Variants in RPS6KL1 observed in about 807,000 individuals in gnomAD.
RPS6KL1 encodes the protein ribosomal protein S6 kinase-like 1.
A neutral mutation model predicts 57.0 loss-of-function variants in RPS6KL1; 41 were observed. The observed-to-expected ratio is 0.72, with a 90% confidence interval of 0.56 to 0.93. The LOEUF (loss-of-function observed/expected upper bound fraction) is 0.93. RPS6KL1 is among the 40% of genes least tolerant of loss of function. The pLI is 0.00. For synonymous variants in RPS6KL1, 287 were observed against 309.7 expected (o/e 0.93, Z 0.77); for missense variants, 697 against 727.7 (o/e 0.96, Z 0.49).
At position 74,919,835 on chromosome 14, in the gene RPS6KL1, G is replaced by GGA. The variant is rs1555378991; in HGVS notation, c.390+9_390+10insTC. The GGA allele has an allele frequency of 3.1e-6, 5 of 1,610,068 alleles. No individual in the cohort carries two copies. The African/African-American group carries it at 5.4e-5, about 17-fold the overall frequency. ...CCGCTCAGGCCTTTGGGTGGGGGGG[G>GGA]TCTCCTCACCGCGCTGGGGCTGGCT... On this transcript the variant is annotated intron_variant, in intron 4 of 11. Transcript: ENST00000557413.
chr14:74,907,597 C>T (rs2140244237), intron 10 of RPS6KL1, 67 bp from the exon 11 acceptor site: 1 of 1,458,996 alleles, frequency 6.9e-7, no homozygotes, highest in Admixed American at 2.3e-5. Flanking sequence ...CAGTGGCAGC[C>T]AGGATTTTTT....
In RPS6KL1 at chr14:74,906,407, GGTGGGGGGGT is replaced by G. The variant is rs749015814; in HGVS notation, c.*597_*606del. ...ATAGGGGGCATGGTCAGGAATCGGG[GGTGGGGGGGT>G]GGGGGTGGGGGTCATCCTGTCCCCT... On this transcript the variant is annotated 3_prime_UTR_variant, in exon 12 of 12. Transcript: ENST00000557413. The G allele has an allele frequency of 3.8e-4, 112 of 295,820 alleles. 4 individuals carry two copies. The highest frequency in any genetic ancestry group is 3.4e-3 in the African/African-American group (105 of 30,608). The allele number at this position is 295,820 out of a possible 1,614,324, so 18.3% of individuals were successfully genotyped here.
chr14:74,917,838 C>T (rs1438914901), intron 5 of RPS6KL1, among the ~76,000 whole-genome samples: 2 of 152,222 alleles, frequency 1.3e-5, no homozygotes, highest in Non-Finnish European at 2.9e-5. Flanking sequence ...TGGAGTTGAG[C>T]ACGTCCCAGC....
chr14:74,911,681 G>C, intron 6 of RPS6KL1, 113 bp downstream of exon 6: 1 of 1,030,300 alleles, frequency 9.7e-7, no homozygotes, highest in East Asian at 2.6e-5. Flanking sequence ...AGAACAACCA[G>C]CTTTTGTGGG....
chr14:74,909,831 G>A lies in RPS6KL1; in HGVS notation c.982C>T (p.Leu328Phe), dbSNP rs868156478. ...LPKAPGGHLH[L>F]QARRAGQNSD... Reference sequence around the variant, plus strand: ...TTCTGGCCAGCCCTCCTAGCTTGAAGGTGCAGGTGGCCACCTGGGGCCTTT... The same window carrying A: ...TTCTGGCCAGCCCTCCTAGCTTGAAAGTGCAGGTGGCCACCTGGGGCCTTT... Residue 328 changes from leucine to phenylalanine, a missense_variant, in exon 8 of 12, where the codon CTT becomes TTT. By Grantham distance (22) the Leu-to-Phe change is conservative. Transcript: ENST00000557413. 6.2e-7 allele frequency: 1 copy of A among 1,610,616 alleles called. No homozygotes were observed. Among genetic ancestry groups the A allele is most frequent in the African/African-American group, 1.3e-5 (1 of 74,956 alleles).
In RPS6KL1 at chr14:74,922,357, C is replaced by G; in HGVS notation, c.-400G>C. On this transcript the variant is annotated 5_prime_UTR_variant, in exon 2 of 12. Coordinates refer to ENST00000557413, the MANE Select transcript of RPS6KL1 (RefSeq NM_031464.5). ...CTCATTTACCCTTTGGGGTTTAGCA[C>G]TTCTCCGTGGACCGGATGGATTGCC... 6.1e-6 allele frequency: 6 copies of G among 986,052 alleles called. No individual in the cohort carries two copies. Among genetic ancestry groups the G allele is most frequent in the Non-Finnish European group, 6.0e-6 (5 of 830,376 alleles). 61.1% of individuals were successfully genotyped at this position (986,052 alleles called of 1,614,324 possible).
intron 1 of RPS6KL1, 44 bp downstream of exon 1, chr14:74,923,136 C>T (rs1888126844): frequency 6.6e-6 from 1 of 152,184 alleles, no homozygotes; most frequent in African/African-American, 2.4e-5. Context: ...CGAGGGGGCC[C>T]CTCGCCTGGG....
intron 7 of RPS6KL1, 38 bp downstream of exon 7, chr14:74,911,210 G>C: frequency 6.3e-7 from 1 of 1,599,090 alleles, no homozygotes; most frequent in Non-Finnish European, 8.5e-7. Context: ...ATACCCCAAA[G>C]GCCTGGGGAG....
chr14:74,916,067 C>T (rs911295421), intron 5 of RPS6KL1, among the ~76,000 whole-genome samples: 18 of 152,154 alleles, frequency 1.2e-4, no homozygotes, highest in Admixed American at 2.0e-4. Context: ...TCCTAACAGC[C>T]GGACACGTTA....
Position 74,910,310 on chromosome 14 carries a change from C to T in RPS6KL1, c.665-162G>A, listed in dbSNP as rs1214952253. ...CCCCTCACCTCTGCTCCCTCCCACC[C>T]CTCAGCTTAGAATGCCCTCTGCCCT... On this transcript the variant is annotated intron_variant, in intron 7 of 11. Transcript: ENST00000557413. The T allele has an allele frequency of 4.1e-6, 3 of 723,668 alleles. No individual in the cohort carries two copies. The African/African-American group carries it at 5.4e-5, about 13-fold the overall frequency. 44.8% of individuals were successfully genotyped at this position (723,668 alleles called of 1,614,324 possible).
Position 74,911,888 on chromosome 14 carries a change from G to A in RPS6KL1, c.484-47C>T, listed in dbSNP as rs374421664. On this transcript the variant is annotated intron_variant, in intron 5 of 11. Transcript: ENST00000557413. ...TGGTTAAGGCAGGTACTAGCTCCTG[G>A]GGCTCCGTGACCCCAGCCTGACCCC... 233 of 1,525,484 alleles carry A rather than the reference G, an allele frequency of 1.5e-4. No homozygotes were observed. In the African/African-American group the frequency reaches 2.9e-3, roughly 19 times the overall value. The allele number at this position is 1,525,484 out of a possible 1,614,324, so 94.5% of individuals were successfully genotyped here. A position where few individuals can be genotyped will look rare whatever the true frequency, so the allele number is the denominator to read the frequency against.
chr14:74,911,194 G>A (rs1316232951), intron 7 of RPS6KL1, 54 bp downstream of exon 7: 11 of 1,575,602 alleles, frequency 7.0e-6, no homozygotes, highest in Non-Finnish European at 9.5e-6. Flanking sequence ...TTTAAGGGTT[G>A]ACGACATACC....
rs1290833158 is a variant in RPS6KL1 at position 74,907,429 on chromosome 14, C to A, written c.1539+6G>T. 9.6e-6 allele frequency: 15 copies of A among 1,569,446 alleles called. No individual in the cohort carries two copies. The highest frequency in any genetic ancestry group is 4.7e-5 in the South Asian group (4 of 85,430). ...AGCTGCTTCCTCTGGCCGGGCTACA[C>A]CTCACCTCAGTCAGCAGAGAGGCCG... On this transcript the variant is annotated splice_donor_region_variant and intron_variant, in intron 11 of 11. Coordinates refer to ENST00000557413, the MANE Select transcript of RPS6KL1 (RefSeq NM_031464.5).
intron 5 of RPS6KL1, among the ~76,000 whole-genome samples, chr14:74,915,042 C>A (rs1886618246): frequency 6.6e-6 from 1 of 152,210 alleles, no homozygotes; most frequent in East Asian, 1.9e-4. Flanking sequence ...CAGTTTAATT[C>A]TCTGTAGGAC....
chr14:74,913,689 C>T (rs143207136), intron 5 of RPS6KL1, among the ~76,000 whole-genome samples: 2 of 152,294 alleles, frequency 1.3e-5, no homozygotes, highest in African/African-American at 2.4e-5. Flanking sequence ...AAGTACAAAA[C>T]GGGGTCATAG....
intron 5 of RPS6KL1, among the ~76,000 whole-genome samples, chr14:74,918,086 TC>T (rs1887152386): frequency 7.1e-6 from 1 of 141,622 alleles, no homozygotes; most frequent in East Asian, 2.1e-4. Flanking sequence ...GTCTGCCTCT[TC>T]TTTTTATATT....
Position 74,921,982 on chromosome 14 carries a change from T to G in RPS6KL1, c.-25A>C, listed in dbSNP as rs998653971. On this transcript the variant is annotated 5_prime_UTR_variant, in exon 2 of 12. Coordinates refer to ENST00000557413, the MANE Select transcript of RPS6KL1 (RefSeq NM_031464.5). Reference sequence around the variant, plus strand: ...GTAGTAGAGACGGGGTTTTACCATGTTGGCCAGGCTGGTCTTGAACTCCTG... The same window carrying G: ...GTAGTAGAGACGGGGTTTTACCATGGTGGCCAGGCTGGTCTTGAACTCCTG... 1.3e-5 allele frequency: 3 copies of G among 233,960 alleles called. No homozygotes were observed. Among genetic ancestry groups the G allele is most frequent in the Non-Finnish European group, 2.3e-5 (3 of 127,888 alleles). The allele number at this position is 233,960 out of a possible 1,614,324, so 14.5% of individuals were successfully genotyped here.
intron 5 of RPS6KL1, among the ~76,000 whole-genome samples, chr14:74,917,961 C>T (rs1158848516): frequency 6.6e-6 from 1 of 152,074 alleles, no homozygotes; most frequent in African/African-American, 2.4e-5. Context: ...AGCAGGGCCT[C>T]GAGGACTGGC....
Position 74,922,203 on chromosome 14 carries a change from C to G in RPS6KL1, c.-246G>C. 3 of 987,118 alleles carry G rather than the reference C, an allele frequency of 3.0e-6. No homozygotes were observed. The highest frequency in any genetic ancestry group is 3.6e-6 in the Non-Finnish European group (3 of 831,058). 61.1% of individuals were successfully genotyped at this position (987,118 alleles called of 1,614,324 possible). On this transcript the variant is annotated 5_prime_UTR_variant, in exon 2 of 12. Coordinates refer to ENST00000557413, the MANE Select transcript of RPS6KL1 (RefSeq NM_031464.5). ...TCCACAGCCACCTTCACAGGGCCTC[C>G]GTAGAGCAAGCTTGGTATCCAGTAC...
Sources: gnomAD v4.1 joint callset for allele counts (sites outside exome capture counted in the v4.1 genomes callset) on GRCh38, gnomAD v4.1.1 for gene constraint, MANE v1.5 for transcripts, NCBI Gene and HGNC (gene_info 2026-07-23, HGNC 2026-07-21) for gene names.